The following DIAPH2 variants were observed in gnomAD, a reference collection of about 807,000 sequenced individuals.
DIAPH2 encodes diaphanous related formin 2.
DIAPH2 carries 35 observed loss-of-function variants against 92.7 expected under a neutral mutation model. That is an observed-to-expected ratio of 0.38 (90% CI 0.29 to 0.50). The LOEUF (loss-of-function observed/expected upper bound fraction) is 0.50. Ranked by LOEUF, DIAPH2 falls within the 20% of genes least tolerant of loss-of-function variation. The probability of loss-of-function intolerance (pLI) is 0.94; values close to 1 mark genes in which losing one functional copy is unlikely to be tolerated. For synonymous variants in DIAPH2, 301 were observed against 280.4 expected (o/e 1.07, Z -0.73); for missense variants, 701 against 819.5 (o/e 0.86, Z 1.77).
chrX:97,297,237 T>TA (rs1319531058), intron 23 of DIAPH2, among the ~76,000 whole-genome samples: 1 of 108,867 alleles, frequency 9.2e-6, no homozygotes, highest in Non-Finnish European at 1.9e-5. Flanking sequence ...ACCAGAACTG[T>TA]AAGATGGCCT....
chrX:97,177,437 T>C (rs1325061386), intron 22 of DIAPH2, among the ~76,000 whole-genome samples: 1 of 111,367 alleles, frequency 9.0e-6, no homozygotes, highest in Non-Finnish European at 1.9e-5. Flanking sequence ...CTTTATACTT[T>C]GCTGATTTCA....
intron 26 of DIAPH2, among the ~76,000 whole-genome samples, chrX:97,510,716 C>G (rs2070882350): frequency 1.0e-5 from 1 of 95,423 alleles, no homozygotes; most frequent in African/African-American, 3.7e-5. Flanking sequence ...GCAGTTTCAG[C>G]TTTCTACATA....
At chrX:97,429,810 CAA>C (rs375312429) in intron 26 of DIAPH2, 65 bp downstream of exon 26, 4,660 of 768,744 alleles carry the variant, frequency 6.1e-3, no homozygotes, top group Admixed American at 8.0e-3. Flanking sequence ...GTAGCAACAC[CAA>C]AAAAAAAAAA....
intron 5 of DIAPH2, among the ~76,000 whole-genome samples, chrX:96,896,070 A>T (rs1191472129): frequency 8.9e-6 from 1 of 111,912 alleles, no homozygotes; most frequent in Non-Finnish European, 1.9e-5. Context: ...TACAGCCAAT[A>T]GTCATAAATT....
chrX:97,204,466 A>G (rs571493670), intron 22 of DIAPH2, among the ~76,000 whole-genome samples: 2 of 112,342 alleles, frequency 1.8e-5, no homozygotes, highest in Admixed American at 9.4e-5. Context: ...AAACAACTTC[A>G]GCAAAGTCTC....
intron 24 of DIAPH2, among the ~76,000 whole-genome samples, chrX:97,376,154 A>G (rs1447655127): frequency 1.8e-5 from 2 of 110,592 alleles, no homozygotes; most frequent in Non-Finnish European, 3.8e-5. Context: ...AACCTTCATC[A>G]CTCAGTTTTT....
chrX:96,850,163 A>G (rs190775073), intron 4 of DIAPH2, among the ~76,000 whole-genome samples: 51 of 111,591 alleles, frequency 4.6e-4, no homozygotes, highest in African/African-American at 1.6e-3. Flanking sequence ...AAATCCTAAT[A>G]GTATAGTATT....
chrX:97,345,214 T>C (rs1488906199), intron 23 of DIAPH2, among the ~76,000 whole-genome samples: 1 of 112,053 alleles, frequency 8.9e-6, no homozygotes, highest in Non-Finnish European at 1.9e-5. Context: ...GAAATGTGTT[T>C]GTTTTTTCGG....
chrX:97,135,164 G>C (rs2067161761), intron 21 of DIAPH2, among the ~76,000 whole-genome samples: 1 of 108,519 alleles, frequency 9.2e-6, no homozygotes, highest in Admixed American at 9.9e-5. Context: ...ACCGCTATAG[G>C]AGAACAAAGA....
chrX:97,377,438 T>G (rs907911904), intron 24 of DIAPH2, among the ~76,000 whole-genome samples: 2 of 112,154 alleles, frequency 1.8e-5, no homozygotes, highest in Admixed American at 9.5e-5. Flanking sequence ...TCTGACATTA[T>G]GGTGGCCGTT....
chrX:97,330,348 A>C (rs1055966039), intron 23 of DIAPH2, among the ~76,000 whole-genome samples: 3 of 109,582 alleles, frequency 2.7e-5, no homozygotes, highest in Non-Finnish European at 3.8e-5. Flanking sequence ...CTCACCCCTC[A>C]GCCCCTGGTA....
chrX:97,391,741 C>T (rs2069661868), intron 25 of DIAPH2, among the ~76,000 whole-genome samples: 1 of 110,555 alleles, frequency 9.0e-6, no homozygotes, highest in Non-Finnish European at 1.9e-5. Context: ...CTTTATGTGG[C>T]ATGCAAAATT....
chrX:97,194,284 A>AT (rs747413352), intron 22 of DIAPH2, among the ~76,000 whole-genome samples: 2,310 of 100,926 alleles, frequency 0.023, 68 homozygotes, highest in African/African-American at 0.065. Context: ...TATCCTAGAA[A>AT]TTTTTTTTTT....
intron 22 of DIAPH2, among the ~76,000 whole-genome samples, chrX:97,195,257 A>G (rs1185424395): frequency 1.8e-5 from 2 of 112,530 alleles, no homozygotes; most frequent in African/African-American, 6.4e-5. Context: ...TTGGGGCATC[A>G]TAATGAATTT....
At chrX:97,366,632 A>G (rs2069383836) in intron 24 of DIAPH2, among the ~76,000 whole-genome samples, 1 of 110,706 alleles carries the variant, frequency 9.0e-6, no homozygotes, top group Non-Finnish European at 1.9e-5. Context: ...ATGTCACTAG[A>G]TTTTTTTTTC....
intron 4 of DIAPH2, among the ~76,000 whole-genome samples, chrX:96,863,318 C>T (rs1243232476): frequency 3.9e-5 from 4 of 103,491 alleles, no homozygotes; most frequent in Non-Finnish European, 7.9e-5. Context: ...TTTTCTTTCA[C>T]CTCTCAACTC....
intron 25 of DIAPH2, among the ~76,000 whole-genome samples, chrX:97,389,465 C>CA (rs1164301048): frequency 0.021 from 708 of 33,912 alleles, 11 homozygotes; most frequent in African/African-American, 0.029. Context: ...GACTCTGTCT[C>CA]AAAAAAAAAA....
chrX:97,176,792 G>T (rs923744051), intron 22 of DIAPH2, among the ~76,000 whole-genome samples: 5 of 111,721 alleles, frequency 4.5e-5, no homozygotes, highest in Non-Finnish European at 7.5e-5. Flanking sequence ...CTCCCAAAGT[G>T]CTGGGATTAC....
At chrX:96,697,496 A>G (rs915531801) in intron 1 of DIAPH2, among the ~76,000 whole-genome samples, 1 of 108,828 alleles carries the variant, frequency 9.2e-6, no homozygotes, top group Non-Finnish European at 1.9e-5. Flanking sequence ...AAATACAAAA[A>G]TTAGCCAGGC....
Sources: allele counts gnomAD v4.1 joint callset (sites outside exome capture counted in the v4.1 genomes callset), GRCh38; gene constraint gnomAD v4.1.1; transcripts MANE v1.5; gene names NCBI Gene and HGNC (gene_info 2026-07-23, HGNC 2026-07-21).